Variants in RXFP2 observed in about 807,000 individuals in gnomAD.
RXFP2 encodes the protein relaxin receptor 2.
In RXFP2, 68 loss-of-function variants were observed where a neutral mutation model predicts 88.6. That is an observed-to-expected ratio of 0.77 (90% CI 0.63 to 0.94). The LOEUF is 0.94. RXFP2 is among the 40% of genes least tolerant of loss of function. The pLI, the probability that RXFP2 is intolerant of heterozygous loss-of-function variation, is 0.00. For missense variants in RXFP2, 791 were observed against 893.9 expected, an observed-to-expected ratio of 0.88 and a Z score of 1.47; for synonymous variants, 329 against 306.8, an observed-to-expected ratio of 1.07 and a Z score of -0.76.
chr13:31,801,289 A>G (rs1047506256), intron 17 of RXFP2, among the ~76,000 whole-genome samples: 1 of 151,990 alleles, frequency 6.6e-6, no homozygotes, highest in Non-Finnish European at 1.5e-5. Context: ...AGGTTTGAGG[A>G]TCTCAAGTCT....
At chr13:31,781,527 A>T (rs1212262499) in intron 9 of RXFP2, 144 bp from the exon 10 acceptor site, 14 of 634,974 alleles carry the variant, frequency 2.2e-5, no homozygotes, top group Non-Finnish European at 3.5e-5. Flanking sequence ...AATATTAGTT[A>T]TACTAACCTT....
At position 31,758,333 on chromosome 13, in the gene RXFP2, A is replaced by G. The variant is rs764183488; in HGVS notation, c.170A>G (p.Lys57Arg). 3 of 1,614,172 alleles carry G rather than the reference A, an allele frequency of 1.9e-6. No individual in the cohort carries two copies. Among genetic ancestry groups the G allele is most frequent in the Non-Finnish European group, 2.5e-6 (3 of 1,180,024 alleles). Reference protein sequence around the residue: ...KGYFPCGNLTKCLPRAFHCDG... With the variant: ...KGYFPCGNLTRCLPRAFHCDG... ...TATTTTCCCTGTGGGAATCTTACCAAGTGCTTACCCCGAGCTTTTCACTGT... is the reference window on the plus strand; with the variant it reads ...TATTTTCCCTGTGGGAATCTTACCAGGTGCTTACCCCGAGCTTTTCACTGT... Residue 57 changes from lysine to arginine, a missense_variant, in exon 2 of 18, where the codon AAG becomes AGG. By Grantham distance (26) the Lys-to-Arg change is conservative (BLOSUM62 2). Transcript: ENST00000298386.
intron 17 of RXFP2, among the ~76,000 whole-genome samples, chr13:31,800,895 T>C (rs1304717238): frequency 1.3e-5 from 2 of 152,108 alleles, no homozygotes; most frequent in Non-Finnish European, 2.9e-5. Flanking sequence ...GGCTAAAACA[T>C]AATTTTTTTC....
At chr13:31,753,549 A>T (rs1871770721) in intron 1 of RXFP2, among the ~76,000 whole-genome samples, 1 of 152,196 alleles carries the variant, frequency 6.6e-6, no homozygotes, top group Non-Finnish European at 1.5e-5. Flanking sequence ...AGCTTCAGTA[A>T]AAACTGTCTC....
chr13:31,775,069 A>G (rs1020214527), intron 6 of RXFP2, among the ~76,000 whole-genome samples: 4 of 152,212 alleles, frequency 2.6e-5, no homozygotes, highest in African/African-American at 7.2e-5. Context: ...ACAATCTAAC[A>G]TGATGTAATA....
chr13:31,781,170 C>T (rs956845695), intron 9 of RXFP2, among the ~76,000 whole-genome samples: 8 of 152,170 alleles, frequency 5.3e-5, no homozygotes, highest in South Asian at 4.1e-4. Context: ...TGATCAATGA[C>T]GCCACAGACA....
At chr13:31,786,334 G>T in intron 11 of RXFP2, 49 bp from the exon 12 acceptor site, 1 of 1,251,906 alleles carries the variant, frequency 8.0e-7, no homozygotes, top group Non-Finnish European at 1.2e-6. Flanking sequence ...TAATAAGTCT[G>T]TCATTTACTT....
intron 1 of RXFP2, among the ~76,000 whole-genome samples, chr13:31,756,483 G>A (rs1366886766): frequency 4.6e-5 from 7 of 152,110 alleles, no homozygotes. Flanking sequence ...GGAATTCTGG[G>A]TCATGATGCT....
intron 11 of RXFP2, among the ~76,000 whole-genome samples, chr13:31,784,850 C>T (rs550858980): frequency 7.9e-5 from 12 of 152,286 alleles, no homozygotes; most frequent in African/African-American, 2.9e-4. Context: ...CAGCCAGACC[C>T]TGAGCCCTGC....
intron 14 of RXFP2, 28 bp downstream of exon 14, chr13:31,789,221 A>G (rs1873690020): frequency 2.1e-6 from 3 of 1,403,812 alleles, no homozygotes. Flanking sequence ...ATGGAGGAGG[A>G]AGCATGGTAA....
chr13:31,781,470 C>G (rs1873268729), intron 9 of RXFP2, among the ~76,000 whole-genome samples: 1 of 151,880 alleles, frequency 6.6e-6, no homozygotes, highest in African/African-American at 2.4e-5. Flanking sequence ...GTTAGGCTGC[C>G]CTTTCCTCAA....
At chr13:31,755,441 G>A (rs1316786059) in intron 1 of RXFP2, among the ~76,000 whole-genome samples, 1 of 152,066 alleles carries the variant, frequency 6.6e-6, no homozygotes, top group East Asian at 1.9e-4. Flanking sequence ...GGGTGTGAGA[G>A]TGAGTGTGGG....
At chr13:31,758,870 T>C (rs1041735822) in intron 2 of RXFP2, among the ~76,000 whole-genome samples, 6 of 151,952 alleles carry the variant, frequency 3.9e-5, no homozygotes, top group Non-Finnish European at 7.4e-5. Flanking sequence ...AAACCCCGTC[T>C]CTACTGAAAA....
intron 9 of RXFP2, 38 bp from the exon 10 acceptor site, chr13:31,781,632 CA>C (rs200308749): frequency 7.0e-7 from 1 of 1,436,972 alleles, no homozygotes. Flanking sequence ...ATGATTTGTA[CA>C]AAAAATATTA....
At chr13:31,776,340 C>G (rs1454490812) in intron 7 of RXFP2, among the ~76,000 whole-genome samples, 1 of 144,048 alleles carries the variant, frequency 6.9e-6, no homozygotes, top group Non-Finnish European at 1.5e-5. Context: ...ACTGCAGCCT[C>G]AATCTCTGGG....
chr13:31,776,941 C>A (rs954680441), intron 7 of RXFP2, among the ~76,000 whole-genome samples: 1 of 152,154 alleles, frequency 6.6e-6, no homozygotes, highest in Non-Finnish European at 1.5e-5. Context: ...TTATTTAATA[C>A]ATCAGTTTAA....
chr13:31,753,846 G>C (rs974154694), intron 1 of RXFP2, among the ~76,000 whole-genome samples: 1 of 151,344 alleles, frequency 6.6e-6, no homozygotes, highest in Non-Finnish European at 1.5e-5. Flanking sequence ...TAATTCACAT[G>C]TTCACTTAAA....
intron 1 of RXFP2, among the ~76,000 whole-genome samples, chr13:31,747,798 G>A (rs1258772900): frequency 6.6e-6 from 1 of 152,162 alleles, no homozygotes. Context: ...GTGCAAGATG[G>A]TTTGGGTAGA....
chr13:31,788,072 G>T (rs4943742), intron 13 of RXFP2, among the ~76,000 whole-genome samples: 91,457 of 151,120 alleles, frequency 0.61, 27,741 homozygotes, highest in East Asian at 0.77. Flanking sequence ...CTATAGGTTA[G>T]TAATCAAATA....
Sources: gnomAD v4.1 joint callset for allele counts (sites outside exome capture counted in the v4.1 genomes callset) on GRCh38, gnomAD v4.1.1 for gene constraint, MANE v1.5 for transcripts, NCBI Gene and HGNC (gene_info 2026-07-23, HGNC 2026-07-21) for gene names.